The following AVEN variants were observed in gnomAD, a reference collection of about 807,000 sequenced individuals.
AVEN encodes the protein apoptosis and caspase activation inhibitor, also known as cell death regulator Aven.
Under a neutral mutation model 38.1 loss-of-function variants are expected in AVEN, and 41 were observed. The ratio of observed to expected loss-of-function variants is 1.08; its 90% CI spans 0.84 to 1.40. The LOEUF is 1.40. AVEN is among the 40% of genes most tolerant of loss of function. The pLI is 0.00. For missense variants in AVEN, 605 were observed against 438.8 expected (o/e 1.38, Z -3.38); for synonymous variants, 206 against 171.8 (o/e 1.20, Z -1.56).
rs79564889 is a variant in AVEN, at chr15:33,965,498, A to C, written c.445+37534T>G. Reference sequence around the variant, plus strand: ...ATTTATAATTTTGTAAACAGCTATGAGCATAACTCTAGGTATGGACCAAAT... The same window carrying C: ...ATTTATAATTTTGTAAACAGCTATGCGCATAACTCTAGGTATGGACCAAAT... On this transcript the variant is annotated intron_variant, in intron 2 of 5. Coordinates refer to ENST00000306730, the MANE Select transcript of AVEN (RefSeq NM_020371.3). 8.1e-3 allele frequency among the ~76,000 whole-genome samples: 1,237 copies of C among 152,238 alleles called. 8 individuals carry two copies. Among genetic ancestry groups the C allele is most frequent in the Non-Finnish European group, 0.014 (950 of 67,962 alleles).
At chr15:34,038,048 A>G (rs1373229329) in intron 1 of AVEN, among the ~76,000 whole-genome samples, 1 of 152,190 alleles carries the variant, frequency 6.6e-6, no homozygotes, top group African/African-American at 2.4e-5. Context: ...CCAATCTCCA[A>G]AAACTTCCTT....
intron 2 of AVEN, among the ~76,000 whole-genome samples, chr15:33,962,065 T>C (rs891308842): frequency 6.6e-6 from 1 of 152,088 alleles, no homozygotes; most frequent in Non-Finnish European, 1.5e-5. Context: ...ATTAATTCCT[T>C]TCCTATCTCA....
At chr15:34,045,179 A>G (rs1462038454) in intron 5 of AVEN, among the ~76,000 whole-genome samples, 2 of 152,090 alleles carry the variant, frequency 1.3e-5, no homozygotes, top group African/African-American at 2.4e-5. Flanking sequence ...ATAAAGATGA[A>G]CTCTTTCAGT....
chr15:33,936,489 C>G (rs985471595), intron 2 of AVEN, among the ~76,000 whole-genome samples: 2 of 152,080 alleles, frequency 1.3e-5, no homozygotes, highest in African/African-American at 4.8e-5. Context: ...TATAAAAGAA[C>G]AGAATAAATA....
intron 2 of AVEN, among the ~76,000 whole-genome samples, chr15:33,915,891 G>A (rs933292803): frequency 6.6e-6 from 1 of 152,142 alleles, no homozygotes; most frequent in East Asian, 1.9e-4. Context: ...TGGGAGCTGG[G>A]TAAGGGCTTG....
rs1378394065 is a variant in AVEN at position 33,901,521 on chromosome 15, G to A, written c.446-25526C>T. Among the ~76,000 whole-genome samples, 4 of 152,132 alleles carry A rather than the reference G, an allele frequency of 2.6e-5. No individual in the cohort carries two copies. The East Asian group carries it at 7.7e-4, about 29-fold the overall frequency. On this transcript the variant is annotated intron_variant, in intron 2 of 5. Transcript: ENST00000306730. ...GCAATTTCAATTTCATGTCCTTTGG[G>A]TATATATCCAGAAGAAAGATTACTA...
At position 34,038,900 on chromosome 15, in the gene AVEN, TCCGCCTCCGTCCCCGCCG is replaced by T; in HGVS notation, c.129_146del (p.Gly44_Gly49del). The T allele has an allele frequency of 5.4e-6, 6 of 1,121,412 alleles. No homozygotes were observed. Among genetic ancestry groups the T allele is most frequent in the South Asian group, 4.2e-5 (1 of 23,730 alleles). 69.5% of individuals were successfully genotyped at this position (1,121,412 alleles called of 1,614,324 possible). Reference sequence around the variant, plus strand: ...CCCGGCCACGGCCACGGCCCCGGCGTCCGCCTCCGTCCCCGCCGCCGCCTCCGCCGCCGCCTCTGGCTA... The same window carrying T: ...CCCGGCCACGGCCACGGCCCCGGCGTCCGCCTCCGCCGCCGCCTCTGGCTA... On this transcript the variant is annotated inframe_deletion, in exon 1 of 6. Transcript: ENST00000306730.
intron 1 of AVEN, among the ~76,000 whole-genome samples, chr15:34,004,369 C>T (rs1477039569): frequency 6.6e-6 from 1 of 151,874 alleles, no homozygotes; most frequent in East Asian, 1.9e-4. Flanking sequence ...AATAAATAAA[C>T]TGAAAGAGAA....
intron 2 of AVEN, among the ~76,000 whole-genome samples, chr15:33,911,456 G>T (rs1013722711): frequency 3.9e-5 from 6 of 152,154 alleles, no homozygotes; most frequent in South Asian, 2.1e-4. Context: ...TGTTCACATG[G>T]CATTATATAC....
intron 2 of AVEN, among the ~76,000 whole-genome samples, chr15:33,942,696 C>G (rs1041362537): frequency 1.3e-5 from 2 of 152,176 alleles, no homozygotes; most frequent in Non-Finnish European, 2.9e-5. Context: ...CATGATCCAC[C>G]CACCTCAGCC....
intron 5 of AVEN, among the ~76,000 whole-genome samples, chr15:34,054,779 C>G (rs971675430): frequency 3.3e-5 from 5 of 152,128 alleles, no homozygotes; most frequent in African/African-American, 1.2e-4. Flanking sequence ...AGCAAACCAC[C>G]CTGGCACACG....
In AVEN at chr15:33,875,932, G is replaced by A. The variant is rs1341282307; in HGVS notation, c.509C>T (p.Pro170Leu). The A allele has an allele frequency of 6.2e-7, 1 of 1,613,280 alleles. No individual in the cohort carries two copies. Among genetic ancestry groups the A allele is most frequent in the African/African-American group, 1.3e-5 (1 of 74,870 alleles). The change falls in exon 3 of 6, where the codon CCA becomes CTA. Residue 170 changes from proline to leucine, a missense_variant. Physicochemically the swap from Pro to Leu is moderately conservative, Grantham distance 98. Transcript: ENST00000306730. ...ACACAACTCTTATCTTACCTGTTTT[G>A]GACAAGAAGCTTCACTATCCCATTC... The part of the protein sequence containing the change: ...EKEWDSEASC[P>L]KQNSAFYVDS...
At position 34,039,068 on chromosome 15, in the gene AVEN, G is replaced by T; in HGVS notation, c.-22C>A. The T allele has an allele frequency of 9.2e-7, 1 of 1,086,720 alleles. No homozygotes were observed. Among genetic ancestry groups the T allele is most frequent in the South Asian group, 4.3e-5 (1 of 23,000 alleles). 67.3% of individuals were successfully genotyped at this position (1,086,720 alleles called of 1,614,324 possible). A position where few individuals can be genotyped will look rare whatever the true frequency, so the allele number is the denominator to read the frequency against. On this transcript the variant is annotated 5_prime_UTR_variant, in exon 1 of 6. Transcript: ENST00000306730. ...GCATCTGGCCGCCGCTGGCGGTGCT[G>T]AGCGCGCGGGAGCCGAGCTGCGGCG...
At chr15:33,988,836 C>A (rs1896596005) in intron 2 of AVEN, among the ~76,000 whole-genome samples, 1 of 152,200 alleles carries the variant, frequency 6.6e-6, no homozygotes. Flanking sequence ...TTAAATGAAA[C>A]CAAATCCATT....
chr15:33,944,355 C>T (rs555060864), intron 2 of AVEN, among the ~76,000 whole-genome samples: 6 of 152,204 alleles, frequency 3.9e-5, no homozygotes, highest in South Asian at 2.1e-4. Flanking sequence ...GCAACTATAA[C>T]GTGTCCAGTG....
intron 5 of AVEN, among the ~76,000 whole-genome samples, chr15:34,053,319 A>AAAAAATATATATATATAT (rs775436850): frequency 9.5e-5 from 4 of 42,092 alleles, no homozygotes; most frequent in African/African-American, 3.2e-4. Flanking sequence ...AAAAAAAAAA[A>AAAAAATATATATATATAT]ATATATATAT....
intron 1 of AVEN, among the ~76,000 whole-genome samples, chr15:34,031,535 G>A (rs1175011721): frequency 6.6e-6 from 1 of 152,158 alleles, no homozygotes; most frequent in Non-Finnish European, 1.5e-5. Flanking sequence ...TGGTACTAAA[G>A]AAATATGGAT....
rs574655159 is a variant in AVEN at position 33,904,451 on chromosome 15, G to A, written c.446-28456C>T. 5.9e-5 allele frequency among the ~76,000 whole-genome samples: 9 copies of A among 152,146 alleles called. No homozygotes were observed. In the East Asian group the frequency reaches 1.2e-3, roughly 20 times the overall value. On this transcript the variant is annotated intron_variant, in intron 2 of 5. Coordinates refer to ENST00000306730, the MANE Select transcript of AVEN (RefSeq NM_020371.3). Reference sequence around the variant, plus strand: ...TTTGAGACAGAGTTTTGCTCTTGTCGCCCAGGCTGGAGTGCAGTGGTATGA... The same window carrying A: ...TTTGAGACAGAGTTTTGCTCTTGTCACCCAGGCTGGAGTGCAGTGGTATGA...
chr15:33,999,795 C>G (rs1392082260), intron 2 of AVEN, among the ~76,000 whole-genome samples: 2 of 152,182 alleles, frequency 1.3e-5, no homozygotes, highest in Non-Finnish European at 2.9e-5. Flanking sequence ...TCTACCCGCT[C>G]CCCTCTTGCC....
Sources: gnomAD v4.1 joint callset for allele counts (sites outside exome capture counted in the v4.1 genomes callset) on GRCh38, gnomAD v4.1.1 for gene constraint, MANE v1.5 for transcripts, NCBI Gene and HGNC (gene_info 2026-07-23, HGNC 2026-07-21) for gene names.